The following EML4 variants were observed in gnomAD, a reference collection of about 807,000 sequenced individuals.
EML4 encodes the protein echinoderm microtubule-associated protein-like 4.
In EML4, 72 loss-of-function variants were observed where a neutral mutation model predicts 129.0. The observed-to-expected ratio is 0.56, with a 90% CI of 0.46 to 0.68. EML4 has a LOEUF of 0.68. Among genes scored for constraint, EML4 ranks in the 30% least tolerant of loss-of-function variants. The pLI, the probability that EML4 is intolerant of heterozygous loss-of-function variation, is 0.00. For missense variants in EML4, 1,363 were observed against 1,190.6 expected, an observed-to-expected ratio of 1.14 and a Z score of -2.13; for synonymous variants, 532 against 405.0, an observed-to-expected ratio of 1.31 and a Z score of -3.77.
chr2:42,208,023 G>A (rs552233666), intron 1 of EML4: 3 of 152,182 alleles, frequency 2.0e-5, no homozygotes, highest in East Asian at 1.9e-4. Flanking sequence ...ATCAGTATGC[G>A]AGAGCGTACT....
At chr2:42,210,432 T>G (rs2104017913) in intron 1 of EML4, among the ~76,000 whole-genome samples, 1 of 152,322 alleles carries the variant, frequency 6.6e-6, no homozygotes, top group South Asian at 2.1e-4. Context: ...ATCATTGATG[T>G]TGTTGAACTT....
chr2:42,259,882 A>G (rs375530328), intron 3 of EML4, among the ~76,000 whole-genome samples: 1 of 150,382 alleles, frequency 6.6e-6, no homozygotes, highest in African/African-American at 2.4e-5. Flanking sequence ...GGCGCCCACC[A>G]CCACACCCAG....
rs1452127065 is a variant in EML4 at position 42,295,176 on chromosome 2, A to T, written c.1270A>T (p.Thr424Ser). Reference sequence around the variant, plus strand: ...GGAGTTTCACCCAACAGATGCAAATACCATAATTACATGCGGTAAATCTCA... The same window carrying T: ...GGAGTTTCACCCAACAGATGCAAATTCCATAATTACATGCGGTAAATCTCA... ...AVEFHPTDANTIITCGKSHIF... is the reference protein window; with the variant it reads ...AVEFHPTDANSIITCGKSHIF... The change falls in exon 12 of 23, where the codon ACC becomes TCC. Residue 424 changes from threonine (T) to serine (S), a missense_variant. Thr to Ser is a moderately conservative substitution (Grantham distance 58). Transcript: ENST00000318522. 1.9e-6 allele frequency: 3 copies of T among 1,612,850 alleles called. No individual in the cohort carries two copies. The highest frequency in any genetic ancestry group is 2.5e-6 in the Non-Finnish European group (3 of 1,179,696).
intron 1 of EML4, among the ~76,000 whole-genome samples, chr2:42,184,347 T>TA (rs1398939968): frequency 6.6e-6 from 1 of 151,738 alleles, no homozygotes; most frequent in Non-Finnish European, 1.5e-5. Flanking sequence ...GCTCGTCATT[T>TA]AACATTAGGT....
At chr2:42,169,775 C>A in intron 1 of EML4, 139 bp downstream of exon 1, 1 of 928,398 alleles carries the variant, frequency 1.1e-6, no homozygotes, top group Non-Finnish European at 1.5e-6. Flanking sequence ...TCGAGGCTGC[C>A]GCCCCTCCGC....
At chr2:42,288,175 ATG>A in intron 10 of EML4, 50 bp from the exon 11 acceptor site, 1 of 760,436 alleles carries the variant, frequency 1.3e-6, no homozygotes, top group Non-Finnish European at 2.2e-6. Flanking sequence ...CTTTCTTAGA[ATG>A]TTAGCCCTAT....
intron 1 of EML4, among the ~76,000 whole-genome samples, chr2:42,215,116 G>T: frequency 6.6e-6 from 1 of 152,138 alleles, no homozygotes; most frequent in Non-Finnish European, 1.5e-5. Context: ...TTGGAATGCA[G>T]TGGCGTGATT....
chr2:42,202,063 A>G (rs1220129548), intron 1 of EML4, among the ~76,000 whole-genome samples: 1 of 151,686 alleles, frequency 6.6e-6, no homozygotes, highest in Non-Finnish European at 1.5e-5. Context: ...AGCCTGGGTG[A>G]CAGAGTGAGA....
chr2:42,301,459 G>A (rs1668283083), intron 14 of EML4, 67 bp downstream of exon 14: 2 of 1,265,364 alleles, frequency 1.6e-6, no homozygotes, highest in Admixed American at 3.2e-5. Flanking sequence ...CCCACATTAA[G>A]ATAACTTATA....
intron 1 of EML4, among the ~76,000 whole-genome samples, chr2:42,233,549 C>A (rs1674483360): frequency 6.6e-6 from 1 of 151,920 alleles, no homozygotes; most frequent in African/African-American, 2.4e-5. Flanking sequence ...CCTCATGATC[C>A]GCCTGCCTCA....
chr2:42,272,936 T>C (rs11124870), intron 6 of EML4, among the ~76,000 whole-genome samples: 38,306 of 152,106 alleles, frequency 0.25, 5,293 homozygotes, highest in East Asian at 0.56. Context: ...AATAACATTA[T>C]AGTTGAAACT....
intron 1 of EML4, among the ~76,000 whole-genome samples, chr2:42,209,134 A>G (rs1260593489): frequency 2.0e-5 from 3 of 152,230 alleles, no homozygotes; most frequent in Non-Finnish European, 4.4e-5. Flanking sequence ...GTATTAAAAA[A>G]TCACTAATAT....
At position 42,295,152 on chromosome 2, in the gene EML4, G is replaced by A; in HGVS notation, c.1246G>A (p.Glu416Lys). ...KTTNEVVLAV[E>K]FHPTDANTII... Reference sequence around the variant, plus strand: ...AACAAATGAAGTTGTTTTGGCTGTGGAGTTTCACCCAACAGATGCAAATAC... The same window carrying A: ...AACAAATGAAGTTGTTTTGGCTGTGAAGTTTCACCCAACAGATGCAAATAC... Residue 416 changes from glutamate to lysine, a missense_variant, in exon 12 of 23, where the codon GAG (glutamate) becomes AAG (lysine). Transcript: ENST00000318522. 6.2e-7 allele frequency: 1 copy of A among 1,611,934 alleles called. No individual in the cohort carries two copies.
At chr2:42,196,162 G>A (rs1443662415) in intron 1 of EML4, among the ~76,000 whole-genome samples, 1 of 152,132 alleles carries the variant, frequency 6.6e-6, no homozygotes, top group Non-Finnish European at 1.5e-5. Flanking sequence ...CTGAACCCTA[G>A]CGTTCATTCA....
At chr2:42,215,546 A>T (rs1049759984) in intron 1 of EML4, among the ~76,000 whole-genome samples, 1 of 152,076 alleles carries the variant, frequency 6.6e-6, no homozygotes, top group Non-Finnish European at 1.5e-5. Context: ...AATGTTTAAG[A>T]AGCAAAAAAA....
intron 1 of EML4, among the ~76,000 whole-genome samples, chr2:42,218,458 CTG>C (rs1037830574): frequency 6.6e-5 from 10 of 152,160 alleles, no homozygotes; most frequent in Non-Finnish European, 1.0e-4. Flanking sequence ...TGCCCCTAGT[CTG>C]TGGAAACATT....
intron 6 of EML4, among the ~76,000 whole-genome samples, chr2:42,278,949 T>A (rs569218116): frequency 1.2e-4 from 17 of 142,446 alleles, no homozygotes; most frequent in Non-Finnish European, 9.3e-5. Flanking sequence ...AAAAAAAAAA[T>A]GTATTGATTT....
At chr2:42,259,355 A>ATTGTCAAGAGTGTT (rs1165717111) in intron 3 of EML4, among the ~76,000 whole-genome samples, 1 of 152,100 alleles carries the variant, frequency 6.6e-6, no homozygotes, top group East Asian at 1.9e-4. Context: ...GCTTTATAAT[A>ATTGTCAAGAGTGTT]TTGTCAAGAG....
chr2:42,275,805 C>A (rs1202268232), intron 6 of EML4, among the ~76,000 whole-genome samples: 2 of 152,122 alleles, frequency 1.3e-5, no homozygotes, highest in African/African-American at 4.8e-5. Context: ...TTAGCATCAG[C>A]TTCATTATTG....
Sources: gnomAD v4.1 joint callset for allele counts (sites outside exome capture counted in the v4.1 genomes callset) on GRCh38, gnomAD v4.1.1 for gene constraint, MANE v1.5 for transcripts, NCBI Gene and HGNC (gene_info 2026-07-23, HGNC 2026-07-21) for gene names.